The following CADM2 variants were observed in gnomAD, a reference collection of about 807,000 sequenced individuals.
CADM2 encodes the protein immunoglobulin superfamily member 4D.
A neutral mutation model predicts 49.8 loss-of-function variants in CADM2; 12 were observed. The ratio of observed to expected loss-of-function variants is 0.24; its 90% CI spans 0.15 to 0.39. The LOEUF is 0.39. Among genes scored for constraint, CADM2 ranks in the 10% least tolerant of loss-of-function variants. CADM2 has a pLI of 1.00. For synonymous variants in CADM2, 214 were observed against 175.4 expected (o/e 1.22, Z -1.74); for missense variants, 378 against 492.3 (o/e 0.77, Z 2.20).
chr3:85,443,955 CT>C (rs2037325949), intron 1 of CADM2, among the ~76,000 whole-genome samples: 1 of 152,126 alleles, frequency 6.6e-6, no homozygotes, highest in African/African-American at 2.4e-5. Context: ...CAAATTGCAT[CT>C]GTTTTCCATT....
At chr3:86,031,806 T>C (rs1734592445) in intron 8 of CADM2, among the ~76,000 whole-genome samples, 1 of 151,724 alleles carries the variant, frequency 6.6e-6, no homozygotes, top group South Asian at 2.1e-4. Context: ...GTTAGAGTAT[T>C]GGTGTACATG....
intron 1 of CADM2, among the ~76,000 whole-genome samples, chr3:85,437,888 A>G (rs956157811): frequency 4.6e-4 from 70 of 152,054 alleles, no homozygotes; most frequent in Middle Eastern, 3.4e-3. Flanking sequence ...ATTAAATTTC[A>G]TTATTTTCTG....
At chr3:85,271,417 G>A (rs374206271) in intron 1 of CADM2, among the ~76,000 whole-genome samples, 6 of 151,254 alleles carry the variant, frequency 4.0e-5, no homozygotes, top group Non-Finnish European at 8.9e-5. Context: ...TTAGAATTAG[G>A]AAGCATCATC....
chr3:85,146,998 C>T (rs374390460), intron 1 of CADM2, among the ~76,000 whole-genome samples: 10 of 151,896 alleles, frequency 6.6e-5, no homozygotes, highest in Non-Finnish European at 1.2e-4. Context: ...TAAGGCCGGG[C>T]GCAGTGGCTC....
At chr3:86,013,475 T>A in intron 8 of CADM2, 4 of 1,599,488 alleles carry the variant, frequency 2.5e-6, no homozygotes, top group Non-Finnish European at 3.4e-6. Flanking sequence ...TAAATTCTGG[T>A]GAAGAGGTTC....
chr3:86,034,094 G>C (rs906030194), intron 8 of CADM2, among the ~76,000 whole-genome samples: 3 of 151,654 alleles, frequency 2.0e-5, no homozygotes, highest in Non-Finnish European at 4.4e-5. Context: ...AAAATAATTA[G>C]AACCACCATG....
At chr3:85,531,083 T>A (rs2061299315) in intron 1 of CADM2, among the ~76,000 whole-genome samples, 1 of 152,144 alleles carries the variant, frequency 6.6e-6, no homozygotes, top group South Asian at 2.1e-4. Context: ...ATTCACGACT[T>A]AGCATTGGTT....
At chr3:85,876,657 C>A (rs879932912) in intron 3 of CADM2, among the ~76,000 whole-genome samples, 4 of 152,062 alleles carry the variant, frequency 2.6e-5, no homozygotes, top group African/African-American at 4.8e-5. Context: ...TCTAAAGATA[C>A]CTTTTAAAGT....
chr3:85,310,109 G>A (rs1419481777), intron 1 of CADM2, among the ~76,000 whole-genome samples: 1 of 152,174 alleles, frequency 6.6e-6, no homozygotes, highest in Non-Finnish European at 1.5e-5. Context: ...AATAGAAGAT[G>A]CCTTTCACAT....
chr3:85,380,669 C>T (rs1182523174), intron 1 of CADM2, among the ~76,000 whole-genome samples: 1 of 151,598 alleles, frequency 6.6e-6, no homozygotes, highest in Non-Finnish European at 1.5e-5. Flanking sequence ...CCAGGTAAAC[C>T]GTAACATGTT....
intron 1 of CADM2, among the ~76,000 whole-genome samples, chr3:85,619,125 A>T (rs550889495): frequency 6.6e-6 from 1 of 152,276 alleles, no homozygotes; most frequent in East Asian, 1.9e-4. Context: ...AACAGTGGAA[A>T]AACAGACAGG....
chr3:85,222,325 G>T (rs184118742), intron 1 of CADM2, among the ~76,000 whole-genome samples: 1 of 152,128 alleles, frequency 6.6e-6, no homozygotes, highest in African/African-American at 2.4e-5. Context: ...AACATGGCAG[G>T]AGTATTAAGA....
chr3:86,058,060 A>G (rs1738204100), intron 8 of CADM2, among the ~76,000 whole-genome samples: 1 of 152,170 alleles, frequency 6.6e-6, no homozygotes, highest in Non-Finnish European at 1.5e-5. Flanking sequence ...AAATTGCAAT[A>G]TATTACATAG....
intron 1 of CADM2, among the ~76,000 whole-genome samples, chr3:85,611,918 A>C (rs1200909352): frequency 6.6e-6 from 1 of 151,786 alleles, no homozygotes; most frequent in Non-Finnish European, 1.5e-5. Flanking sequence ...AAGAGTAGAG[A>C]AGAGGCCCTA....
In CADM2 at chr3:84,997,517, G is replaced by T. The variant is rs550797533; in HGVS notation, c.61+37849G>T. Among the ~76,000 whole-genome samples the T allele has an allele frequency of 3.9e-5, 6 of 151,950 alleles. No individual in the cohort carries two copies. In the East Asian group the frequency reaches 7.7e-4, roughly 20 times the overall value. On this transcript the variant is annotated intron_variant, in intron 1 of 9. Coordinates refer to ENST00000383699, the MANE Select transcript of CADM2 (RefSeq NM_001167675.2). ...TTTTTTTGTGAATTTTGAGAAAAAT[G>T]TTGGCTATTTCTTATGAAAATAGGA...
chr3:85,667,405 G>A (rs933568441), intron 1 of CADM2, among the ~76,000 whole-genome samples: 3 of 151,996 alleles, frequency 2.0e-5, no homozygotes, highest in Non-Finnish European at 4.4e-5. Context: ...TTAAAGTCCA[G>A]TATGTATTTT....
intron 3 of CADM2, among the ~76,000 whole-genome samples, chr3:85,843,583 T>C (rs2074738339): frequency 6.6e-6 from 1 of 152,198 alleles, no homozygotes; most frequent in Admixed American, 6.6e-5. Context: ...CATCCCATTA[T>C]GTTGATTTTC....
rs1470520932 is a variant in CADM2, at chr3:86,070,341, C to T, written c.*3558C>T. On this transcript the variant is annotated 3_prime_UTR_variant, in exon 10 of 10. Coordinates refer to ENST00000383699, the MANE Select transcript of CADM2 (RefSeq NM_001167675.2). ...AGGCACATGTATAGCAGCTGTTTGA[C>T]AGTGATGGCTCTTCCATGTAACATA... is the stretch of plus-strand genomic sequence containing the variant. The T allele has an allele frequency of 6.6e-6, 1 of 151,910 alleles. No homozygotes were observed. The highest frequency in any genetic ancestry group is 1.5e-5 in the Non-Finnish European group (1 of 67,872). 9.4% of individuals were successfully genotyped at this position (151,910 alleles called of 1,614,324 possible).
intron 8 of CADM2, among the ~76,000 whole-genome samples, chr3:85,980,062 AT>A (rs1209176548): frequency 3.3e-5 from 5 of 151,476 alleles, no homozygotes; most frequent in African/African-American, 1.2e-4. Context: ...TTAAAAAAAA[AT>A]GAAGCCATTA....
Sources: gnomAD v4.1 joint callset for allele counts (sites outside exome capture counted in the v4.1 genomes callset) on GRCh38, gnomAD v4.1.1 for gene constraint, MANE v1.5 for transcripts, NCBI Gene and HGNC (gene_info 2026-07-23, HGNC 2026-07-21) for gene names.